CLASP1: variants seen among roughly 807,000 people sequenced by gnomAD.
CLASP1 encodes CLIP-associating protein 1.
Under a neutral mutation model 192.3 loss-of-function variants are expected in CLASP1, and 38 were observed. That is an observed-to-expected ratio of 0.20 (90% CI 0.15 to 0.26). The LOEUF is 0.26. Among genes scored for constraint, CLASP1 ranks in the 10% least tolerant of loss-of-function variants. The pLI is 1.00. For synonymous variants in CLASP1, 691 were observed against 712.8 expected, an observed-to-expected ratio of 0.97 and a Z score of 0.49; for missense variants, 1,433 against 1,932.5, an observed-to-expected ratio of 0.74 and a Z score of 4.85.
chr2:121,585,915 A>T (rs1332606997), intron 2 of CLASP1, among the ~76,000 whole-genome samples: 1 of 151,770 alleles, frequency 6.6e-6, no homozygotes, highest in Non-Finnish European at 1.5e-5. Flanking sequence ...AAAAAAAAAA[A>T]AGTCTTTCAA....
chr2:121,546,567 C>A (rs766784390), intron 2 of CLASP1, among the ~76,000 whole-genome samples: 6 of 151,910 alleles, frequency 3.9e-5, no homozygotes, highest in Non-Finnish European at 7.4e-5. Flanking sequence ...AATATGGGAC[C>A]CCGGGAACCA....
At chr2:121,365,040 A>G (rs1208248029) in intron 36 of CLASP1, 54 bp downstream of exon 37, 2 of 1,532,156 alleles carry the variant, frequency 1.3e-6, no homozygotes, top group Non-Finnish European at 1.8e-6. Context: ...AGAAAAGGAC[A>G]TCGTGACCCC....
At chr2:121,546,392 G>A (rs936621530) in intron 2 of CLASP1, among the ~76,000 whole-genome samples, 15 of 151,344 alleles carry the variant, frequency 9.9e-5, no homozygotes, top group African/African-American at 3.4e-4. Context: ...GCGAAGGGGC[G>A]AGTAAACACA....
intron 19 of CLASP1, among the ~76,000 whole-genome samples, chr2:121,436,167 G>A (rs1574808467): frequency 6.6e-6 from 1 of 151,884 alleles, no homozygotes; most frequent in African/African-American, 2.4e-5. Flanking sequence ...TAGTAGCTGG[G>A]ATTACAGACA....
chr2:121,506,818 G>C (rs1267057164), intron 7 of CLASP1, among the ~76,000 whole-genome samples: 2 of 152,194 alleles, frequency 1.3e-5, no homozygotes, highest in Non-Finnish European at 2.9e-5. Context: ...TCAATCATTA[G>C]CTCACCGCTA....
intron 1 of CLASP1, among the ~76,000 whole-genome samples, chr2:121,643,842 T>C (rs1466987425): frequency 6.6e-6 from 1 of 152,210 alleles, no homozygotes; most frequent in Admixed American, 6.5e-5. Context: ...AGTGCAGAGT[T>C]CTCCACCTCT....
exon 30 of CLASP1, chr2:121,397,180 A>G (rs1559029956): frequency 1.2e-6 from 2 of 1,613,890 alleles, no homozygotes; most frequent in Non-Finnish European, 1.7e-6. Context: ...TGTCCAGGTT[A>G]TGATTCTAGA....
At chr2:121,485,599 C>A (rs962708622) in intron 8 of CLASP1, among the ~76,000 whole-genome samples, 1 of 152,110 alleles carries the variant, frequency 6.6e-6, no homozygotes, top group African/African-American at 2.4e-5. Flanking sequence ...TACGGTGGCT[C>A]ACGCCTGTAA....
At chr2:121,395,369 A>T (rs1229126825) in intron 30 of CLASP1, among the ~76,000 whole-genome samples, 1 of 152,232 alleles carries the variant, frequency 6.6e-6, no homozygotes, top group Non-Finnish European at 1.5e-5. Context: ...GCTTCAAAAT[A>T]TCATTTGAAA....
Position 121,456,677 on chromosome 2 carries a change from T to C in CLASP1, c.1385+1010A>G, listed in dbSNP as rs780732919. ...AAAATAAATTTTAAAACGACAAATA[T>C]AGAGCTGCTTCATGTTTAAGAGGGT... is the stretch of plus-strand genomic sequence containing the variant. On this transcript the variant is annotated intron_variant, in intron 14 of 39. Transcript: ENST00000263710. Among the ~76,000 whole-genome samples, 49 of 152,172 alleles carry C rather than the reference T, an allele frequency of 3.2e-4. 1 individual carries two copies. Among genetic ancestry groups the C allele is most frequent in the Non-Finnish European group, 5.4e-4 (37 of 68,000 alleles).
chr2:121,615,856 G>T lies in CLASP1; in HGVS notation c.-285-9676C>A, dbSNP rs531512766. ...AAACAAACAAAAAAACCTGCCTAAG[G>T]TTTTAAAACTAATAGCTGTCAAGCA... On this transcript the variant is annotated intron_variant, in intron 1 of 39. Transcript: ENST00000263710. Among the ~76,000 whole-genome samples the T allele has an allele frequency of 4.6e-5, 7 of 151,952 alleles. No homozygotes were observed. In the East Asian group the frequency reaches 1.4e-3, roughly 29 times the overall value.
At position 121,628,474 on chromosome 2, in the gene CLASP1, G is replaced by C. The variant is rs556339108; in HGVS notation, c.-286+20898C>G. ...GTGGATCACTTGAGGCTAGGAATTC[G>C]AGACCAGCCTTGCCAACATGGTGAA... On this transcript the variant is annotated intron_variant, in intron 1 of 39. Coordinates refer to ENST00000263710, the Ensembl canonical transcript of CLASP1. Among the ~76,000 whole-genome samples, 13 of 152,018 alleles carry C rather than the reference G, an allele frequency of 8.6e-5. No individual in the cohort carries two copies. The East Asian group carries it at 2.5e-3, about 29-fold the overall frequency.
chr2:121,380,421 C>A (rs1266976033), intron 33 of CLASP1, among the ~76,000 whole-genome samples: 2 of 152,166 alleles, frequency 1.3e-5, no homozygotes, highest in Non-Finnish European at 2.9e-5. Context: ...CAGAAGGGCT[C>A]TCTTAGGGTT....
chr2:121,544,907 C>CTTTTTTTTTTTTTTTT (rs3078562), intron 2 of CLASP1, among the ~76,000 whole-genome samples: 1 of 122,888 alleles, frequency 8.1e-6, no homozygotes, highest in Non-Finnish European at 1.8e-5. Flanking sequence ...CTTTTCTTTT[C>CTTTTTTTTTTTTTTTT]TTTTTTTTTT....
chr2:121,410,752 A>G (rs1479090802), intron 24 of CLASP1, 114 bp downstream of exon 25: 1 of 596,882 alleles, frequency 1.7e-6, no homozygotes, highest in East Asian at 3.0e-5. Flanking sequence ...ACAATTTTAA[A>G]GAGTTTCAAA....
intron 35 of CLASP1, among the ~76,000 whole-genome samples, chr2:121,365,569 C>T (rs1298550063): frequency 6.6e-6 from 1 of 152,240 alleles, no homozygotes; most frequent in Non-Finnish European, 1.5e-5. Context: ...TTCCCTTCTA[C>T]TTCAGACAAA....
At chr2:121,376,648 T>G (rs1231712528) in intron 34 of CLASP1, among the ~76,000 whole-genome samples, 2 of 152,180 alleles carry the variant, frequency 1.3e-5, no homozygotes, top group Non-Finnish European at 2.9e-5. Flanking sequence ...AGACTGGTAT[T>G]GGTCTGTGGC....
chr2:121,410,795 C>T, intron 24 of CLASP1, 71 bp downstream of exon 25: 5 of 882,112 alleles, frequency 5.7e-6, no homozygotes, highest in South Asian at 1.9e-5. Flanking sequence ...GGGGCAATTT[C>T]CTGTTAGGAC....
At chr2:121,639,004 C>T (rs1427547829) in intron 1 of CLASP1, among the ~76,000 whole-genome samples, 4 of 151,672 alleles carry the variant, frequency 2.6e-5, no homozygotes, top group Non-Finnish European at 5.9e-5. Context: ...GGGCCAGGTG[C>T]GGTGGCTCAC....
Sources: allele counts gnomAD v4.1 joint callset (sites outside exome capture counted in the v4.1 genomes callset), GRCh38; gene constraint gnomAD v4.1.1; transcripts MANE v1.5; gene names NCBI Gene and HGNC (gene_info 2026-07-23, HGNC 2026-07-21).